The following KSR1 variants were observed in gnomAD, a reference collection of about 807,000 sequenced individuals.
KSR1 encodes kinase suppressor of ras 1.
KSR1 carries 35 observed loss-of-function variants against 92.9 expected under a neutral mutation model. The ratio of observed to expected loss-of-function variants is 0.38; its 90% CI spans 0.29 to 0.50. The LOEUF (loss-of-function observed/expected upper bound fraction) is 0.50, where lower values mean the gene tolerates loss of function less well. Among genes scored for constraint, KSR1 ranks in the 20% least tolerant of loss-of-function variants. KSR1 has a pLI of 0.94. For missense variants in KSR1, 972 were observed against 1,158.5 expected, an observed-to-expected ratio of 0.84 and a Z score of 2.34; for synonymous variants, 467 against 472.6, an observed-to-expected ratio of 0.99 and a Z score of 0.15.
intron 1 of KSR1, among the ~76,000 whole-genome samples, chr17:27,457,627 C>T (rs1030615348): frequency 3.3e-5 from 5 of 152,100 alleles, no homozygotes; most frequent in African/African-American, 1.2e-4. Context: ...ATAAGATATG[C>T]GGGCCTTCCT....
At chr17:27,611,745 C>T in intron 18 of KSR1, 116 bp downstream of exon 18, 1 of 1,161,106 alleles carries the variant, frequency 8.6e-7, no homozygotes, top group South Asian at 1.4e-5. Flanking sequence ...GCTCTGCCAC[C>T]TGCACGTGTC....
At chr17:27,603,750 G>A (rs2073649211) in intron 11 of KSR1, 84 bp from the exon 12 acceptor site, 1 of 1,373,612 alleles carries the variant, frequency 7.3e-7, no homozygotes, top group African/African-American at 1.4e-5. Context: ...CAGCCTCTCT[G>A]GGGGTGCTGG....
chr17:27,579,939 G>A (rs1266946685), intron 3 of KSR1: 1 of 141,594 alleles, frequency 7.1e-6, no homozygotes, highest in Non-Finnish European at 1.5e-5. Context: ...GTCTGTGCTG[G>A]TGAATAGGAG....
At chr17:27,590,076 T>C (rs1236138291) in intron 6 of KSR1, among the ~76,000 whole-genome samples, 1 of 152,234 alleles carries the variant, frequency 6.6e-6, no homozygotes, top group Non-Finnish European at 1.5e-5. Context: ...TATGTATTCA[T>C]ACACACACAC....
chr17:27,555,715 C>T (rs1203984361), intron 2 of KSR1, among the ~76,000 whole-genome samples: 4 of 152,138 alleles, frequency 2.6e-5, no homozygotes, highest in African/African-American at 9.7e-5. Flanking sequence ...TGGTGAAATA[C>T]GTATAACGTA....
intron 1 of KSR1, among the ~76,000 whole-genome samples, chr17:27,535,303 T>C (rs1404519781): frequency 1.3e-5 from 2 of 152,172 alleles, no homozygotes; most frequent in African/African-American, 4.8e-5. Context: ...TGTAGTGCTG[T>C]GACTGAGTGT....
intron 2 of KSR1, among the ~76,000 whole-genome samples, chr17:27,551,077 A>G (rs1293350870): frequency 2.6e-5 from 4 of 152,370 alleles, no homozygotes; most frequent in Admixed American, 1.3e-4. Flanking sequence ...GGAAATTACT[A>G]TCATTGTTGC....
intron 2 of KSR1, among the ~76,000 whole-genome samples, chr17:27,574,381 T>C (rs2072425760): frequency 6.6e-6 from 1 of 152,242 alleles, no homozygotes; most frequent in Non-Finnish European, 1.5e-5. Context: ...TTTTATCTTC[T>C]GGAAGGCAAC....
At chr17:27,475,493 T>A (rs1229212315) in intron 1 of KSR1, among the ~76,000 whole-genome samples, 1 of 152,172 alleles carries the variant, frequency 6.6e-6, no homozygotes, top group Non-Finnish European at 1.5e-5. Flanking sequence ...AGGCTGAGGC[T>A]CTGCCACTCA....
At chr17:27,498,524 CT>C (rs2069072132) in intron 1 of KSR1, among the ~76,000 whole-genome samples, 1 of 152,130 alleles carries the variant, frequency 6.6e-6, no homozygotes, top group African/African-American at 2.4e-5. Context: ...GGTTCTCAAA[CT>C]TTTGTCATTG....
At chr17:27,563,574 A>G (rs541773321) in intron 2 of KSR1, among the ~76,000 whole-genome samples, 4 of 152,216 alleles carry the variant, frequency 2.6e-5, no homozygotes, top group African/African-American at 9.6e-5. Context: ...TCTGAGTTAA[A>G]TATTCTGTCA....
chr17:27,590,714 G>A, intron 6 of KSR1, 97 bp from the exon 7 acceptor site: 3 of 1,133,674 alleles, frequency 2.6e-6, no homozygotes, highest in Non-Finnish European at 3.9e-6. Context: ...ATGGAGCCAA[G>A]ACTCCCAGTT....
intron 1 of KSR1, among the ~76,000 whole-genome samples, chr17:27,474,779 T>C (rs777726631): frequency 2.0e-5 from 3 of 152,042 alleles, no homozygotes; most frequent in Non-Finnish European, 4.4e-5. Context: ...TACGCTTCAG[T>C]GTTGGGAGGA....
intron 1 of KSR1, among the ~76,000 whole-genome samples, chr17:27,519,343 C>T (rs2069927202): frequency 6.6e-6 from 1 of 152,178 alleles, no homozygotes; most frequent in Non-Finnish European, 1.5e-5. Flanking sequence ...GAGGTTGAAT[C>T]AACTGCTCCC....
intron 1 of KSR1, among the ~76,000 whole-genome samples, chr17:27,469,406 G>A (rs964663567): frequency 2.6e-5 from 4 of 152,274 alleles, no homozygotes; most frequent in Non-Finnish European, 4.4e-5. Flanking sequence ...CAACACAATC[G>A]TGATGTCACT....
intron 1 of KSR1, among the ~76,000 whole-genome samples, chr17:27,478,286 G>A (rs550503070): frequency 6.6e-6 from 1 of 152,256 alleles, no homozygotes; most frequent in South Asian, 2.1e-4. Flanking sequence ...GTGGCCTCTG[G>A]GGTCAGACAG....
In KSR1 at chr17:27,601,413, G is replaced by A. The variant is rs778623552; in HGVS notation, c.1510+12G>A. ...GTTTATCTTTCCAGGTGAGTCCTTT[G>A]CATGGTTCCATTAACTGCCCTTTGC... On this transcript the variant is annotated intron_variant, in intron 11 of 20. Coordinates refer to ENST00000644974, the MANE Select transcript of KSR1 (RefSeq NM_001394583.1). 3.1e-6 allele frequency: 5 copies of A among 1,611,992 alleles called. No individual in the cohort carries two copies. The Admixed American group carries it at 6.7e-5, about 21-fold the overall frequency.
intron 20 of KSR1, chr17:27,621,846 C>CCAGAGCAGCTGGG: frequency 1.4e-6 from 2 of 1,418,622 alleles, no homozygotes; most frequent in Non-Finnish European, 2.0e-6. Context: ...GCTGCTCTGG[C>CCAGAGCAGCTGGG]CAGACCTCTA....
At chr17:27,545,520 T>C (rs1185288783) in intron 1 of KSR1, among the ~76,000 whole-genome samples, 1 of 152,182 alleles carries the variant, frequency 6.6e-6, no homozygotes, top group Non-Finnish European at 1.5e-5. Context: ...ACCCCATCTC[T>C]ATTATGAAAA....
Sources: gnomAD v4.1 joint callset for allele counts (sites outside exome capture counted in the v4.1 genomes callset) on GRCh38, gnomAD v4.1.1 for gene constraint, MANE v1.5 for transcripts, NCBI Gene and HGNC (gene_info 2026-07-23, HGNC 2026-07-21) for gene names.